Variants in MTMR2 observed in about 807,000 individuals in gnomAD.
MTMR2 encodes phosphatidylinositol-3,5-bisphosphate 3-phosphatase MTMR2.
MTMR2 carries 55 observed loss-of-function variants against 86.9 expected under a neutral mutation model. That is an observed-to-expected ratio of 0.63 (90% CI 0.51 to 0.79). The LOEUF (loss-of-function observed/expected upper bound fraction) is 0.79, where lower values mean the gene tolerates loss of function less well. Among genes scored for constraint, MTMR2 ranks in the 30% least tolerant of loss-of-function variants. The pLI is 0.00. For missense variants in MTMR2, 659 were observed against 772.3 expected (o/e 0.85, Z 1.74); for synonymous variants, 241 against 266.8 (o/e 0.90, Z 0.94).
chr11:95,849,272 C>T (rs552497701), intron 9 of MTMR2, among the ~76,000 whole-genome samples: 18 of 152,024 alleles, frequency 1.2e-4, no homozygotes, highest in Admixed American at 9.8e-4. Flanking sequence ...CACTAGTCAC[C>T]GAGAACACTA....
chr11:95,874,460 C>T (rs1413154144), intron 2 of MTMR2, among the ~76,000 whole-genome samples: 1 of 152,058 alleles, frequency 6.6e-6, no homozygotes, highest in African/African-American at 2.4e-5. Context: ...GATCTTCCTC[C>T]ATCCCTTTAT....
intron 8 of MTMR2, 79 bp downstream of exon 8, chr11:95,850,521 C>T: frequency 1.5e-6 from 2 of 1,374,148 alleles, no homozygotes; most frequent in Non-Finnish European, 2.1e-6. Flanking sequence ...TATCCTGAAT[C>T]CATTCTCCTA....
At chr11:95,883,711 AG>A (rs1350947445) in intron 2 of MTMR2, among the ~76,000 whole-genome samples, 1 of 152,252 alleles carries the variant, frequency 6.6e-6, no homozygotes, top group Non-Finnish European at 1.5e-5. Context: ...TATCTAGACT[AG>A]TTCCATCCCC....
Position 95,855,469 on chromosome 11 carries a change from C to T in MTMR2, c.654+2083G>A, listed in dbSNP as rs181738757. 6.9e-3 allele frequency among the ~76,000 whole-genome samples: 1,055 copies of T among 152,022 alleles called. 9 individuals are homozygous for T. Among genetic ancestry groups the T allele is most frequent in the Non-Finnish European group, 0.012 (808 of 67,982 alleles). On this transcript the variant is annotated intron_variant, in intron 7 of 14. Transcript: ENST00000346299. ...GTTTCACTATGTTGCCCACGCTGGT[C>T]TCAAACTCCTGGGCTCAAGCGACCT...
At chr11:95,864,821 A>G (rs989302864) in intron 3 of MTMR2, among the ~76,000 whole-genome samples, 1 of 152,184 alleles carries the variant, frequency 6.6e-6, no homozygotes, top group South Asian at 2.1e-4. Context: ...ACACATAGAA[A>G]TGACACCTAG....
At chr11:95,859,014 T>C (rs975862808) in intron 5 of MTMR2, among the ~76,000 whole-genome samples, 1 of 152,224 alleles carries the variant, frequency 6.6e-6, no homozygotes, top group African/African-American at 2.4e-5. Flanking sequence ...TTTTCTGTCA[T>C]AAATTTCTTT....
chr11:95,871,759 T>G (rs188301104), intron 2 of MTMR2, among the ~76,000 whole-genome samples: 2,515 of 152,348 alleles, frequency 0.017, 30 homozygotes, highest in South Asian at 0.062. Flanking sequence ...TTTGTCAATT[T>G]TGGCTTTTGT....
intron 11 of MTMR2, among the ~76,000 whole-genome samples, chr11:95,842,050 A>G (rs1417563493): frequency 2.6e-5 from 4 of 152,218 alleles, no homozygotes; most frequent in Non-Finnish European, 4.4e-5. Context: ...CTACGGTCGC[A>G]TCACTGCACT....
chr11:95,910,861 C>A (rs1866479122), intron 1 of MTMR2, among the ~76,000 whole-genome samples: 1 of 151,798 alleles, frequency 6.6e-6, no homozygotes, highest in African/African-American at 2.4e-5. Context: ...CTCTATTAGT[C>A]ATTCTGTTGA....
chr11:95,838,010 G>C, intron 13 of MTMR2, 84 bp downstream of exon 13: 1 of 884,080 alleles, frequency 1.1e-6, no homozygotes, highest in Non-Finnish European at 1.9e-6. Flanking sequence ...AATGACTTCA[G>C]TTGAAATCTG....
At chr11:95,858,273 G>A (rs1864282349) in intron 6 of MTMR2, among the ~76,000 whole-genome samples, 2 of 152,038 alleles carry the variant, frequency 1.3e-5, no homozygotes, top group African/African-American at 4.8e-5. Flanking sequence ...TTTTCATCAT[G>A]GAAACACCCT....
intron 2 of MTMR2, among the ~76,000 whole-genome samples, chr11:95,870,376 A>G (rs956053991): frequency 6.6e-6 from 1 of 152,142 alleles, no homozygotes; most frequent in African/African-American, 2.4e-5. Context: ...GGCCTTTGAT[A>G]GGGGCAGATG....
intron 3 of MTMR2, among the ~76,000 whole-genome samples, chr11:95,865,107 C>T (rs920845510): frequency 3.9e-5 from 6 of 152,038 alleles, no homozygotes; most frequent in African/African-American, 7.2e-5. Flanking sequence ...TACATACAAA[C>T]AGATGCAATG....
At chr11:95,899,435 A>C (rs1216243794) in intron 1 of MTMR2, among the ~76,000 whole-genome samples, 1 of 152,162 alleles carries the variant, frequency 6.6e-6, no homozygotes, top group Non-Finnish European at 1.5e-5. Flanking sequence ...TTTAGATTTT[A>C]CTTGATCATA....
intron 2 of MTMR2, among the ~76,000 whole-genome samples, chr11:95,878,649 T>C (rs182205616): frequency 5.7e-4 from 87 of 152,234 alleles, no homozygotes; most frequent in Admixed American, 4.4e-3. Flanking sequence ...ATATTTAATC[T>C]ATTTCTACAT....
At chr11:95,922,100 T>C (rs2135651512) in intron 1 of MTMR2, among the ~76,000 whole-genome samples, 1 of 152,332 alleles carries the variant, frequency 6.6e-6, no homozygotes. Flanking sequence ...ATTTTAAAAA[T>C]GACAATGTTA....
At chr11:95,838,252 AG>A (rs1175849590) in intron 12 of MTMR2, 45 bp from the exon 13 acceptor site, 2 of 1,052,392 alleles carry the variant, frequency 1.9e-6, no homozygotes, top group Non-Finnish European at 1.5e-6. Context: ...ACATTCTTCA[AG>A]CATATTCATC....
intron 2 of MTMR2, among the ~76,000 whole-genome samples, chr11:95,869,299 T>C (rs951538641): frequency 6.6e-6 from 1 of 151,718 alleles, no homozygotes; most frequent in Non-Finnish European, 1.5e-5. Flanking sequence ...ATTTTCAACT[T>C]ACAATGGGTT....
chr11:95,861,162 AAAG>A (rs1314966389), intron 5 of MTMR2, among the ~76,000 whole-genome samples: 1 of 151,612 alleles, frequency 6.6e-6, no homozygotes, highest in African/African-American at 2.4e-5. Flanking sequence ...AAAAAAAAAA[AAAG>A]AAAAATTATG....
Sources: allele counts gnomAD v4.1 joint callset (sites outside exome capture counted in the v4.1 genomes callset), GRCh38; gene constraint gnomAD v4.1.1; transcripts MANE v1.5; gene names NCBI Gene and HGNC (gene_info 2026-07-23, HGNC 2026-07-21).